ARMC8: variants seen among roughly 807,000 people sequenced by gnomAD.
The protein encoded by ARMC8 is armadillo repeat containing 8, also known as armadillo repeat-containing protein 8.
Under a neutral mutation model 99.3 loss-of-function variants are expected in ARMC8, and 20 were observed. The observed-to-expected ratio is 0.20, with a 90% CI of 0.14 to 0.29. The LOEUF is 0.29. ARMC8 is among the 10% of genes least tolerant of loss of function. The probability of loss-of-function intolerance (pLI) is 1.00; values close to 1 mark genes in which losing one functional copy is unlikely to be tolerated. For missense variants in ARMC8, 569 were observed against 809.5 expected (o/e 0.70, Z 3.60); for synonymous variants, 263 against 278.3 (o/e 0.95, Z 0.55).
chr3:138,187,627 C>A (rs2043135130), intron 1 of ARMC8, 28 bp downstream of exon 1: 1 of 1,535,074 alleles, frequency 6.5e-7, no homozygotes, highest in Non-Finnish European at 8.7e-7. Flanking sequence ...GCCGCCCGCC[C>A]GCCCTCCAGG....
chr3:138,241,749 C>A, intron 10 of ARMC8, 34 bp from the exon 11 acceptor site: 1 of 1,601,920 alleles, frequency 6.2e-7, no homozygotes, highest in South Asian at 1.1e-5. Flanking sequence ...TTACCTTTAC[C>A]AAAAAGCAAA....
intron 12 of ARMC8, among the ~76,000 whole-genome samples, chr3:138,249,344 A>AT (rs1475630317): frequency 6.6e-6 from 1 of 151,558 alleles, no homozygotes; most frequent in South Asian, 2.1e-4. Context: ...GGAAATTCCC[A>AT]TTTTTTCAAG....
At chr3:138,234,903 G>T (rs1261989250) in intron 6 of ARMC8, 131 bp from the exon 7 acceptor site, 1 of 688,994 alleles carries the variant, frequency 1.5e-6, no homozygotes, top group Non-Finnish European at 2.4e-6. Flanking sequence ...TGAGGTTTGA[G>T]TTTATTTAAG....
intron 1 of ARMC8, among the ~76,000 whole-genome samples, chr3:138,200,585 C>T (rs995064204): frequency 2.6e-5 from 4 of 152,082 alleles, no homozygotes; most frequent in Admixed American, 2.0e-4. Context: ...CACTAGATAT[C>T]AGTAGCATTT....
chr3:138,270,502 A>C (rs969417549), intron 16 of ARMC8, among the ~76,000 whole-genome samples: 1 of 152,198 alleles, frequency 6.6e-6, no homozygotes, highest in African/African-American at 2.4e-5. Context: ...GATACCAACC[A>C]GAGAGTTCTT....
chr3:138,228,930 A>G lies in ARMC8; in HGVS notation c.448A>G (p.Ile150Val), dbSNP rs970701551. 6.2e-7 allele frequency: 1 copy of G among 1,607,452 alleles called. No homozygotes were observed. Among genetic ancestry groups the G allele is most frequent in the Non-Finnish European group, 8.5e-7 (1 of 1,175,958 alleles). Residue 150 changes from isoleucine to valine, a missense_variant, in exon 6 of 22, where the codon ATA becomes GTA. Transcript: ENST00000469044. The part of the protein sequence containing the change: ...EELLYTDATV[I>V]PHLMALLSRS... The stretch of plus-strand genomic sequence containing the variant: ...TCTCCTTCCCTAGGATGCCACAGTG[A>G]TACCACACCTCATGGCACTGCTTAG...
chr3:138,260,950 AG>A (rs2047685682), intron 12 of ARMC8, among the ~76,000 whole-genome samples: 1 of 152,228 alleles, frequency 6.6e-6, no homozygotes, highest in Non-Finnish European at 1.5e-5. Flanking sequence ...CTCATTCTTA[AG>A]TAAAAATAAT....
chr3:138,246,218 T>C, intron 12 of ARMC8: 1 of 985,636 alleles, frequency 1.0e-6, no homozygotes, highest in Non-Finnish European at 1.2e-6. Flanking sequence ...GATGTGTGAG[T>C]AGCTTTGATT....
At chr3:138,261,316 G>A (rs924508450) in intron 12 of ARMC8, 2 of 152,326 alleles carry the variant, frequency 1.3e-5, no homozygotes, top group African/African-American at 4.8e-5. Flanking sequence ...TAGCACAAAT[G>A]TAGGGCCTGG....
intron 18 of ARMC8, among the ~76,000 whole-genome samples, chr3:138,279,108 G>T (rs1328558511): frequency 6.6e-6 from 1 of 152,160 alleles, no homozygotes; most frequent in African/African-American, 2.4e-5. Flanking sequence ...TTAGAGAAAA[G>T]CACTCAGTCT....
At chr3:138,248,248 T>C (rs1186118996) in intron 12 of ARMC8, among the ~76,000 whole-genome samples, 1 of 152,150 alleles carries the variant, frequency 6.6e-6, no homozygotes, top group Non-Finnish European at 1.5e-5. Context: ...GTGTTAAACT[T>C]AGAAGAATTC....
At chr3:138,216,605 G>A (rs913770249) in intron 2 of ARMC8, among the ~76,000 whole-genome samples, 1 of 152,164 alleles carries the variant, frequency 6.6e-6, no homozygotes, top group Non-Finnish European at 1.5e-5. Flanking sequence ...GTATGTTTGT[G>A]ATTCTCACAG....
At chr3:138,222,649 C>T (rs1446055283) in intron 3 of ARMC8, among the ~76,000 whole-genome samples, 1 of 151,950 alleles carries the variant, frequency 6.6e-6, no homozygotes, top group Non-Finnish European at 1.5e-5. Context: ...GGTTTTGATA[C>T]AGAATTAATG....
rs969314149 is a variant in ARMC8, at chr3:138,296,546, AAAAAG to A, written c.*659_*663del. 3.2e-4 allele frequency: 49 copies of A among 151,718 alleles called. No homozygotes were observed. The highest frequency in any genetic ancestry group is 1.1e-3 in the African/African-American group (46 of 41,038). The allele number at this position is 151,718 out of a possible 1,614,324, so 9.4% of individuals were successfully genotyped here. A position where few individuals can be genotyped will look rare whatever the true frequency, so the allele number is the denominator to read the frequency against. On this transcript the variant is annotated 3_prime_UTR_variant, in exon 22 of 22. Transcript: ENST00000469044. Reference sequence around the variant, plus strand: ...TTACATAGATTTTCTTTATATAAAAAAAAAGAAAAAAAAAGAAAAAGTTGGCTATA... The same window carrying A: ...TTACATAGATTTTCTTTATATAAAAAAAAAAAAAAGAAAAAGTTGGCTATA...
chr3:138,209,982 T>C, intron 2 of ARMC8, 89 bp downstream of exon 2: 1 of 923,938 alleles, frequency 1.1e-6, no homozygotes. Flanking sequence ...AAATACAGGG[T>C]TATACCTTTT....
chr3:138,221,887 T>C (rs374867637), intron 2 of ARMC8, 39 bp from the exon 3 acceptor site: 16 of 1,468,232 alleles, frequency 1.1e-5, no homozygotes, highest in African/African-American at 2.8e-5. Flanking sequence ...TCTTCAGTGC[T>C]GTCTCAACAT....
At chr3:138,213,027 G>A (rs1319450310) in intron 2 of ARMC8, among the ~76,000 whole-genome samples, 1 of 152,188 alleles carries the variant, frequency 6.6e-6, no homozygotes, top group African/African-American at 2.4e-5. Flanking sequence ...ACAGTTGCTT[G>A]GGAGGCTGAG....
At chr3:138,253,710 A>AC (rs1333263154) in intron 12 of ARMC8, among the ~76,000 whole-genome samples, 3 of 152,220 alleles carry the variant, frequency 2.0e-5, no homozygotes, top group African/African-American at 7.2e-5. Context: ...CTGTACACTC[A>AC]TCATGTAACA....
At chr3:138,232,014 A>G (rs996091245) in intron 6 of ARMC8, among the ~76,000 whole-genome samples, 4 of 111,340 alleles carry the variant, frequency 3.6e-5, no homozygotes, top group African/African-American at 1.4e-4. Flanking sequence ...TCTGTCTTCC[A>G]GGCTAGAGTG....
Sources: gnomAD v4.1 joint callset for allele counts (sites outside exome capture counted in the v4.1 genomes callset) on GRCh38, gnomAD v4.1.1 for gene constraint, MANE v1.5 for transcripts, NCBI Gene and HGNC (gene_info 2026-07-23, HGNC 2026-07-21) for gene names.